ZFAND1: variants seen among roughly 807,000 people sequenced by gnomAD.
ZFAND1 encodes AN1-type zinc finger protein 1.
A neutral mutation model predicts 38.5 loss-of-function variants in ZFAND1; 40 were observed. That is an observed-to-expected ratio of 1.04 (90% CI 0.81 to 1.35). The LOEUF (loss-of-function observed/expected upper bound fraction) is 1.35, where lower values mean the gene tolerates loss of function less well. Ranked by LOEUF, ZFAND1 falls within the 40% of genes most tolerant of loss-of-function variation. The pLI is 0.00. For missense variants in ZFAND1, 346 were observed against 316.3 expected (o/e 1.09, Z -0.71); for synonymous variants, 117 against 103.6 (o/e 1.13, Z -0.78).
chr8:81,717,249 C>G lies in ZFAND1; in HGVS notation c.138G>C (p.Glu46Asp). Residue 46 changes from glutamate (E) to aspartate (D), a missense_variant and splice_region_variant, in exon 3 of 8, where the codon GAG becomes GAC. Coordinates refer to ENST00000220669, the MANE Select transcript of ZFAND1 (RefSeq NM_024699.3). ...HRSRESHGCP[E>D]VTVINERLKT... ...TCAGATTGGAAAAATACTAACATAC[C>G]TCAGGACAACCATGAGACTCCCTGC... is the stretch of plus-strand genomic sequence containing the variant. 6.5e-7 allele frequency: 1 copy of G among 1,542,572 alleles called. No individual in the cohort carries two copies. The highest frequency in any genetic ancestry group is 2.5e-5 in the East Asian group (1 of 39,648).
chr8:81,718,598 T>G (rs886839555), intron 1 of ZFAND1, among the ~76,000 whole-genome samples: 2 of 151,506 alleles, frequency 1.3e-5, no homozygotes, highest in African/African-American at 4.8e-5. Context: ...CACTGCTTAC[T>G]AATCTAACAG....
At chr8:81,704,501 T>C (rs1301878303) in intron 6 of ZFAND1, among the ~76,000 whole-genome samples, 1 of 144,740 alleles carries the variant, frequency 6.9e-6, no homozygotes, top group African/African-American at 2.6e-5. Flanking sequence ...AACATACTAC[T>C]GTACTCCAGC....
intron 6 of ZFAND1, among the ~76,000 whole-genome samples, chr8:81,712,041 A>G (rs1212468182): frequency 1.3e-5 from 2 of 152,208 alleles, no homozygotes; most frequent in Non-Finnish European, 1.5e-5. Flanking sequence ...GTGCATTTTA[A>G]AAGAATTATA....
intron 6 of ZFAND1, among the ~76,000 whole-genome samples, chr8:81,705,231 T>C (rs1807941421): frequency 6.6e-6 from 1 of 152,142 alleles, no homozygotes; most frequent in South Asian, 2.1e-4. Flanking sequence ...CAGACAGGGA[T>C]CTGTGAGTGA....
rs754597947 is a variant in ZFAND1, at chr8:81,714,906, C to A, written c.267-11G>T. 2.5e-6 allele frequency: 4 copies of A among 1,614,046 alleles called. No homozygotes were observed. The highest frequency in any genetic ancestry group is 2.5e-6 in the Non-Finnish European group (3 of 1,179,936). ...GACTGATGACGGTGTCTATGAGCAA[C>A]AGAAGAGTGACACTAGTTCATGTGT... On this transcript the variant is annotated splice_polypyrimidine_tract_variant and intron_variant, in intron 4 of 7. Coordinates refer to ENST00000220669, the MANE Select transcript of ZFAND1 (RefSeq NM_024699.3).
chr8:81,709,222 A>G (rs1388154275), intron 6 of ZFAND1, among the ~76,000 whole-genome samples: 1 of 152,166 alleles, frequency 6.6e-6, no homozygotes, highest in Non-Finnish European at 1.5e-5. Flanking sequence ...CACTTGAGGG[A>G]ATTTCTACTA....
intron 6 of ZFAND1, among the ~76,000 whole-genome samples, chr8:81,709,559 T>TA (rs1808076442): frequency 6.6e-6 from 1 of 152,146 alleles, no homozygotes; most frequent in Admixed American, 6.5e-5. Context: ...TGTAAAATGA[T>TA]ATACACACAC....
chr8:81,703,746 T>TC (rs1807882437), intron 6 of ZFAND1, among the ~76,000 whole-genome samples: 3 of 152,088 alleles, frequency 2.0e-5, no homozygotes, highest in Admixed American at 2.0e-4. Context: ...TTAAGTTTTA[T>TC]CAAATTAAAC....
In ZFAND1 at chr8:81,715,115, C is replaced by A; in HGVS notation, c.139-1G>T. Reference sequence around the variant, plus strand: ...TCAGTCTCTCATTGATTACAGTCACCTGAAAATGCAAAAAGGAGGAAATGT... The same window carrying A: ...TCAGTCTCTCATTGATTACAGTCACATGAAAATGCAAAAAGGAGGAAATGT... On this transcript the variant is annotated splice_acceptor_variant, in intron 3 of 7. Coordinates refer to ENST00000220669, the MANE Select transcript of ZFAND1 (RefSeq NM_024699.3). LOFTEE classifies it high-confidence loss of function. 6.2e-7 allele frequency: 1 copy of A among 1,611,390 alleles called. No homozygotes were observed. Among genetic ancestry groups the A allele is most frequent in the South Asian group, 1.1e-5 (1 of 90,690 alleles).
At position 81,702,421 on chromosome 8, in the gene ZFAND1, C is replaced by T. The variant is rs1807835898; in HGVS notation, c.*274G>A. Reference sequence around the variant, plus strand: ...CAGCCAATCAACAGCTGACATCCCCCACCAGGAAATACATCTTTGTTGTTG... The same window carrying T: ...CAGCCAATCAACAGCTGACATCCCCTACCAGGAAATACATCTTTGTTGTTG... On this transcript the variant is annotated 3_prime_UTR_variant, in exon 8 of 8. Coordinates refer to ENST00000220669, the MANE Select transcript of ZFAND1 (RefSeq NM_024699.3). The T allele has an allele frequency of 1.5e-5, 3 of 194,048 alleles. No individual in the cohort carries two copies. In the Admixed American group the frequency reaches 1.8e-4, roughly 12 times the overall value. The allele number at this position is 194,048 out of a possible 1,614,324, so 12.0% of individuals were successfully genotyped here.
chr8:81,706,014 G>A (rs1029315328), intron 6 of ZFAND1, among the ~76,000 whole-genome samples: 1 of 152,104 alleles, frequency 6.6e-6, no homozygotes, highest in Non-Finnish European at 1.5e-5. Context: ...GAGAGAAAAT[G>A]AGTAAAATTT....
Position 81,717,232 on chromosome 8 carries a change from G to T in ZFAND1, c.138+17C>A, listed in dbSNP as rs745882598. The T allele has an allele frequency of 3.9e-6, 6 of 1,528,768 alleles. No individual in the cohort carries two copies. The African/African-American group carries it at 5.7e-5, about 15-fold the overall frequency. The allele number at this position is 1,528,768 out of a possible 1,614,324, so 94.7% of individuals were successfully genotyped here. On this transcript the variant is annotated intron_variant, in intron 3 of 7. Coordinates refer to ENST00000220669, the MANE Select transcript of ZFAND1 (RefSeq NM_024699.3). ...AATACGAATACATTTTATCAGATTGGAAAAATACTAACATACCTCAGGACA... is the reference window on the plus strand; with the variant it reads ...AATACGAATACATTTTATCAGATTGTAAAAATACTAACATACCTCAGGACA...
chr8:81,711,847 T>C (rs1808148555), intron 6 of ZFAND1, among the ~76,000 whole-genome samples: 1 of 152,294 alleles, frequency 6.6e-6, no homozygotes, highest in African/African-American at 2.4e-5. Context: ...CACATTGGAA[T>C]AGTATTCAAA....
At chr8:81,716,807 C>T (rs1338238602) in intron 3 of ZFAND1, among the ~76,000 whole-genome samples, 1 of 152,040 alleles carries the variant, frequency 6.6e-6, no homozygotes, top group Non-Finnish European at 1.5e-5. Flanking sequence ...ATTAGTCGGG[C>T]GTGGTGGCAC....
chr8:81,704,832 CAA>C (rs1400199857), intron 6 of ZFAND1, among the ~76,000 whole-genome samples: 1 of 152,032 alleles, frequency 6.6e-6, no homozygotes, highest in African/African-American at 2.4e-5. Flanking sequence ...AAAGAAAAAA[CAA>C]GAAATCACTG....
At position 81,702,879 on chromosome 8, in the gene ZFAND1, A is replaced by C. The variant is rs753478168; in HGVS notation, c.637-14T>G. The C allele has an allele frequency of 2.2e-5, 35 of 1,576,254 alleles. No homozygotes were observed. The highest frequency in any genetic ancestry group is 3.0e-5 in the Non-Finnish European group (35 of 1,165,704). On this transcript the variant is annotated splice_polypyrimidine_tract_variant and intron_variant, in intron 7 of 7. Coordinates refer to ENST00000220669, the MANE Select transcript of ZFAND1 (RefSeq NM_024699.3). ...CAGCCTTAATTTCTGTGAAGGGAGA[A>C]GTAAGTCATACTGTAATAAATAAAC...
chr8:81,711,815 A>G (rs1808147648), intron 6 of ZFAND1, among the ~76,000 whole-genome samples: 1 of 152,202 alleles, frequency 6.6e-6, no homozygotes, highest in South Asian at 2.1e-4. Flanking sequence ...GAAATAGATT[A>G]TCCAGATAAA....
intron 2 of ZFAND1, 75 bp from the exon 3 acceptor site, chr8:81,717,363 G>A: frequency 8.5e-7 from 1 of 1,174,308 alleles, no homozygotes; most frequent in Non-Finnish European, 1.2e-6. Context: ...ATATTTTAAT[G>A]TTCAGTATAC....
chr8:81,721,274 T>A lies in ZFAND1; in HGVS notation c.8A>T (p.Glu3Val). 2 of 1,548,830 alleles carry A rather than the reference T, an allele frequency of 1.3e-6. No homozygotes were observed. Among genetic ancestry groups the A allele is most frequent in the South Asian group, 2.4e-5 (2 of 84,038 alleles). The stretch of plus-strand genomic sequence containing the variant: ...CTGGCAGTGCTGCCCGATGTCCAAC[T>A]CCGCCATCTCTCCGGCGCCGTAAGG... MA[E>V]LDIGQHCQVE... Residue 3 changes from glutamate (E) to valine (V), a missense_variant, in exon 1 of 8, where the codon GAG (glutamate) becomes GTG (valine). Glu to Val is a moderately radical substitution (Grantham distance 121). Transcript: ENST00000220669.
Sources: gnomAD v4.1 joint callset for allele counts (sites outside exome capture counted in the v4.1 genomes callset) on GRCh38, gnomAD v4.1.1 for gene constraint, MANE v1.5 for transcripts, NCBI Gene and HGNC (gene_info 2026-07-23, HGNC 2026-07-21) for gene names.